The following ADGRL2 variants were observed in gnomAD, a reference collection of about 807,000 sequenced individuals.
ADGRL2 encodes the protein calcium-independent alpha-latrotoxin receptor 2.
A neutral mutation model predicts 157.4 loss-of-function variants in ADGRL2; 44 were observed. The ratio of observed to expected loss-of-function variants is 0.28; its 90% CI spans 0.22 to 0.36. The LOEUF is 0.36. Ranked by LOEUF, ADGRL2 falls within the 10% of genes least tolerant of loss-of-function variation. ADGRL2 has a pLI of 1.00. For synonymous variants in ADGRL2, 585 were observed against 624.7 expected (o/e 0.94, Z 0.95); for missense variants, 1,510 against 1,768.9 (o/e 0.85, Z 2.63).
At chr1:81,882,055 T>G (rs1332251429) in intron 2 of ADGRL2, among the ~76,000 whole-genome samples, 4 of 152,190 alleles carry the variant, frequency 2.6e-5, no homozygotes, top group African/African-American at 9.7e-5. Flanking sequence ...AAAGTCTGTA[T>G]ATAGAATTTG....
intron 1 of ADGRL2, among the ~76,000 whole-genome samples, chr1:81,322,143 T>C (rs1022040189): frequency 2.0e-5 from 3 of 147,722 alleles, no homozygotes; most frequent in African/African-American, 7.5e-5. Context: ...CACGTACATA[T>C]ATATACATAT....
intron 1 of ADGRL2, among the ~76,000 whole-genome samples, chr1:81,338,173 G>T (rs1570658596): frequency 6.6e-6 from 1 of 152,022 alleles, no homozygotes; most frequent in East Asian, 1.9e-4. Flanking sequence ...GACCAGCCTG[G>T]ACAACATGGC....
At chr1:81,797,925 T>G (rs932558519), upstream of ADGRL2, among the ~76,000 whole-genome samples, 10 of 152,172 alleles carry the variant, frequency 6.6e-5, no homozygotes, top group African/African-American at 2.2e-4. Context: ...TGGTTATATG[T>G]TGATTTAACA....
At chr1:81,809,923 A>T (rs2089649966) in intron 1 of ADGRL2, among the ~76,000 whole-genome samples, 1 of 151,908 alleles carries the variant, frequency 6.6e-6, no homozygotes, top group Non-Finnish European at 1.5e-5. Flanking sequence ...TGCTTGTACT[A>T]TCCACACTTT....
intron 1 of ADGRL2, among the ~76,000 whole-genome samples, chr1:81,747,490 C>A (rs55816830): frequency 5.9e-5 from 9 of 151,778 alleles, no homozygotes; most frequent in African/African-American, 2.2e-4. Flanking sequence ...TTAGTAGAGA[C>A]GGGGTTTCAT....
At chr1:81,690,731 C>CT in intron 3 of ADGRL2, among the ~76,000 whole-genome samples, 1 of 152,240 alleles carries the variant, frequency 6.6e-6, no homozygotes, top group African/African-American at 2.4e-5. Flanking sequence ...TTCCTACTCT[C>CT]TTTTCTAGGC....
chr1:81,566,064 A>G (rs2080553505), intron 2 of ADGRL2, among the ~76,000 whole-genome samples: 1 of 152,174 alleles, frequency 6.6e-6, no homozygotes, highest in South Asian at 2.1e-4. Context: ...TAGAATTTAG[A>G]CTACAGAAAG....
chr1:81,721,888 A>AG (rs149203409), intron 1 of ADGRL2: 62,566 of 737,682 alleles, frequency 0.085, 3,002 homozygotes, highest in Non-Finnish European at 0.092. Flanking sequence ...AAGAAGGTGG[A>AG]GGAAAACTTA....
intron 1 of ADGRL2, chr1:81,722,848 A>G (rs573892864): frequency 3.0e-4 from 203 of 679,246 alleles, no homozygotes; most frequent in Non-Finnish European, 5.0e-4. Flanking sequence ...TCCTGGGGGA[A>G]ATGCCTGGTA....
At chr1:81,894,677 TTTGA>T (rs1275498731) in intron 2 of ADGRL2, among the ~76,000 whole-genome samples, 7 of 152,102 alleles carry the variant, frequency 4.6e-5, no homozygotes, top group African/African-American at 7.2e-5. Flanking sequence ...AAAAAAAAAC[TTTGA>T]TTGTATAAGT....
intron 3 of ADGRL2, among the ~76,000 whole-genome samples, chr1:81,620,884 G>A (rs2081775351): frequency 1.3e-5 from 2 of 152,216 alleles, no homozygotes; most frequent in Non-Finnish European, 2.9e-5. Flanking sequence ...CGGAAGCAGA[G>A]CAGGGCCAAA....
chr1:81,350,507 T>C (rs1292654495), intron 1 of ADGRL2, among the ~76,000 whole-genome samples: 1 of 152,190 alleles, frequency 6.6e-6, no homozygotes, highest in Non-Finnish European at 1.5e-5. Context: ...TGAAGAATAA[T>C]TGGTGAACAA....
At chr1:81,325,534 T>G (rs1660838768) in intron 1 of ADGRL2, among the ~76,000 whole-genome samples, 1 of 152,192 alleles carries the variant, frequency 6.6e-6, no homozygotes, top group Admixed American at 6.5e-5. Context: ...GGGCAATTGA[T>G]TGCATCAAGC....
chr1:81,921,066 G>A (rs536056940), intron 3 of ADGRL2, among the ~76,000 whole-genome samples: 37 of 152,222 alleles, frequency 2.4e-4, no homozygotes, highest in African/African-American at 8.2e-4. Context: ...GGCTATAGAG[G>A]TTTAGAAGTG....
At chr1:81,772,192 G>A (rs1215453963) in intron 2 of ADGRL2, among the ~76,000 whole-genome samples, 2 of 149,836 alleles carry the variant, frequency 1.3e-5, no homozygotes, top group Non-Finnish European at 3.0e-5. Flanking sequence ...GGAAGTTGCA[G>A]TGAGCCGAGA....
intron 1 of ADGRL2, among the ~76,000 whole-genome samples, chr1:81,383,039 G>A (rs2076370286): frequency 6.6e-6 from 1 of 152,132 alleles, no homozygotes; most frequent in South Asian, 2.1e-4. Flanking sequence ...CTGCCTTAGT[G>A]TTTGGGGATA....
chr1:81,800,287 A>C (rs1379734177), upstream of ADGRL2: 1 of 152,190 alleles, frequency 6.6e-6, no homozygotes, highest in African/African-American at 2.4e-5. Context: ...AAATCATCGC[A>C]ATTTAAAAAA....
At chr1:81,935,260 C>G (rs1300204297) in intron 3 of ADGRL2, among the ~76,000 whole-genome samples, 1 of 151,760 alleles carries the variant, frequency 6.6e-6, no homozygotes, top group Non-Finnish European at 1.5e-5. Flanking sequence ...TGACACTATA[C>G]CATTTACATT....
intron 2 of ADGRL2, among the ~76,000 whole-genome samples, chr1:81,865,351 A>G (rs2093509848): frequency 6.6e-6 from 1 of 152,342 alleles, no homozygotes; most frequent in South Asian, 2.1e-4. Flanking sequence ...GTGAAATATT[A>G]GAACTGGAAG....
Sources: allele counts gnomAD v4.1 joint callset (sites outside exome capture counted in the v4.1 genomes callset), GRCh38; gene constraint gnomAD v4.1.1; transcripts MANE v1.5; gene names NCBI Gene and HGNC (gene_info 2026-07-23, HGNC 2026-07-21).